Variants in HLCS observed in about 807,000 individuals in gnomAD.
The protein encoded by HLCS is holocarboxylase synthetase.
Under a neutral mutation model 75.0 loss-of-function variants are expected in HLCS, and 53 were observed. That is an observed-to-expected ratio of 0.71 (90% confidence interval 0.57 to 0.89). The LOEUF (loss-of-function observed/expected upper bound fraction) is 0.89. Among genes scored for constraint, HLCS ranks in the 40% least tolerant of loss-of-function variants. HLCS has a pLI of 0.00. For missense variants in HLCS, 966 were observed against 1,074.0 expected (o/e 0.90, Z 1.41); for synonymous variants, 431 against 428.6 (o/e 1.01, Z -0.07).
chr21:36,954,945 C>T (rs1289314946), intron 2 of HLCS, among the ~76,000 whole-genome samples: 1 of 151,966 alleles, frequency 6.6e-6, no homozygotes, highest in Non-Finnish European at 1.5e-5. Context: ...ACCTGTAATC[C>T]CAGCTACTTG....
chr21:36,825,401 A>T (rs1466040149), intron 6 of HLCS, among the ~76,000 whole-genome samples: 1 of 152,066 alleles, frequency 6.6e-6, no homozygotes, highest in Non-Finnish European at 1.5e-5. Context: ...TAAAATAATA[A>T]TAATTGTTAT....
At chr21:36,958,823 TAG>T (rs1257660758) in intron 2 of HLCS, among the ~76,000 whole-genome samples, 1 of 152,198 alleles carries the variant, frequency 6.6e-6, no homozygotes, top group East Asian at 1.9e-4. Context: ...GTCTGTCACT[TAG>T]CAATGATATT....
intron 6 of HLCS, among the ~76,000 whole-genome samples, chr21:36,831,254 A>G (rs573839514): frequency 7.2e-4 from 110 of 152,342 alleles, no homozygotes; most frequent in African/African-American, 2.4e-3. Flanking sequence ...ATATGGCTAA[A>G]TAAGGACATG....
intron 1 of HLCS, among the ~76,000 whole-genome samples, chr21:36,984,389 A>T (rs1601947128): frequency 6.6e-6 from 1 of 152,206 alleles, no homozygotes; most frequent in Admixed American, 6.5e-5. Context: ...TAAATAAAGT[A>T]AGAATGACTA....
chr21:36,785,812 T>C (rs1359996812), intron 6 of HLCS, among the ~76,000 whole-genome samples: 1 of 152,198 alleles, frequency 6.6e-6, no homozygotes, highest in Non-Finnish European at 1.5e-5. Context: ...GGATGCTAGC[T>C]TTAGGACTCT....
At chr21:36,840,636 G>GT (rs996004134) in intron 6 of HLCS, among the ~76,000 whole-genome samples, 1 of 152,114 alleles carries the variant, frequency 6.6e-6, no homozygotes, top group Non-Finnish European at 1.5e-5. Flanking sequence ...TTGAGATGGA[G>GT]TTTTTTGCTC....
intron 5 of HLCS, among the ~76,000 whole-genome samples, chr21:36,926,133 T>C (rs996110369): frequency 5.3e-5 from 8 of 152,162 alleles, no homozygotes; most frequent in African/African-American, 1.9e-4. Context: ...CACCAACATC[T>C]GCAGAGAGGA....
At chr21:36,966,212 C>G (rs1601910560) in intron 1 of HLCS, among the ~76,000 whole-genome samples, 1 of 152,224 alleles carries the variant, frequency 6.6e-6, no homozygotes, top group Non-Finnish European at 1.5e-5. Context: ...AGTCACGCGT[C>G]CAGCACCGCC....
At chr21:36,832,032 GA>G (rs1220040244) in intron 6 of HLCS, among the ~76,000 whole-genome samples, 1 of 151,722 alleles carries the variant, frequency 6.6e-6, no homozygotes, top group Non-Finnish European at 1.5e-5. Flanking sequence ...GGTGGAAGGG[GA>G]AAAAAAATCC....
chr21:36,990,211 TGCCGC>T (rs1043733242), exon 1 of HLCS: 6 of 152,488 alleles, frequency 3.9e-5, no homozygotes, highest in African/African-American at 1.4e-4. Context: ...CGCGAATCCC[TGCCGC>T]GCCGCGCTGC....
intron 2 of HLCS, among the ~76,000 whole-genome samples, chr21:36,940,726 A>T (rs1304892620): frequency 1.3e-5 from 2 of 152,172 alleles, no homozygotes; most frequent in Non-Finnish European, 2.9e-5. Flanking sequence ...CTTGGGTTTC[A>T]AAAGTCATCG....
At chr21:36,850,826 AC>A (rs1465110323) in intron 6 of HLCS, among the ~76,000 whole-genome samples, 3 of 151,884 alleles carry the variant, frequency 2.0e-5, no homozygotes, top group African/African-American at 4.8e-5. Context: ...TGTCCCTTCC[AC>A]CCTCAATCTA....
chr21:36,944,349 C>T (rs1351995877), intron 2 of HLCS, among the ~76,000 whole-genome samples: 4 of 152,054 alleles, frequency 2.6e-5, no homozygotes, highest in Non-Finnish European at 2.9e-5. Context: ...CAAAAAGATT[C>T]GTGGCCCAAG....
At position 36,756,681 on chromosome 21, in the gene HLCS, G is replaced by T. The variant is rs748535375; in HGVS notation, c.2311C>A (p.His771Asn). The T allele has an allele frequency of 4.3e-6, 7 of 1,614,136 alleles. No homozygotes were observed. The South Asian group carries it at 7.7e-5, about 18-fold the overall frequency. ...NDLITEYNKQ[H>N]KAELKPLRAD... Reference sequence around the variant, plus strand: ...CTTAAGGGCTTCAGTTCTGCCTTGTGTTGTTTATTGTATTCTGTGATGAGG... The same window carrying T: ...CTTAAGGGCTTCAGTTCTGCCTTGTTTTGTTTATTGTATTCTGTGATGAGG... Residue 771 changes from histidine to asparagine, a missense_variant, in exon 10 of 11, where the codon CAC becomes AAC. Coordinates refer to ENST00000674895, the MANE Select transcript of HLCS (RefSeq NM_001352514.2).
intron 6 of HLCS, among the ~76,000 whole-genome samples, chr21:36,827,824 T>G (rs1248907139): frequency 2.0e-5 from 3 of 150,180 alleles, no homozygotes; most frequent in African/African-American, 7.3e-5. Flanking sequence ...TTTCTTTTTT[T>G]TTTTTTTGAG....
intron 6 of HLCS, among the ~76,000 whole-genome samples, chr21:36,844,976 A>G (rs1296286693): frequency 6.6e-6 from 1 of 152,124 alleles, no homozygotes; most frequent in Non-Finnish European, 1.5e-5. Flanking sequence ...GAGAAGGTCA[A>G]TTGGGCCAAT....
chr21:36,782,752 T>A (rs1482762492), intron 6 of HLCS, among the ~76,000 whole-genome samples: 3 of 152,130 alleles, frequency 2.0e-5, no homozygotes, highest in Non-Finnish European at 2.9e-5. Flanking sequence ...GTGGATCACC[T>A]GAGGTCAGGA....
At chr21:36,891,469 C>T (rs1421428790) in intron 6 of HLCS, among the ~76,000 whole-genome samples, 1 of 152,032 alleles carries the variant, frequency 6.6e-6, no homozygotes, top group Admixed American at 6.5e-5. Context: ...TTATGTATGC[C>T]CCAGAAACAA....
chr21:36,925,357 A>AC (rs2066354991), intron 5 of HLCS, among the ~76,000 whole-genome samples: 1 of 152,182 alleles, frequency 6.6e-6, no homozygotes, highest in Admixed American at 6.5e-5. Context: ...ACTGTTAGCC[A>AC]CCGTTGGCCA....
Sources: allele counts gnomAD v4.1 joint callset (sites outside exome capture counted in the v4.1 genomes callset), GRCh38; gene constraint gnomAD v4.1.1; transcripts MANE v1.5; gene names NCBI Gene and HGNC (gene_info 2026-07-23, HGNC 2026-07-21).